The following MCPH1 variants were observed in gnomAD, a reference collection of about 807,000 sequenced individuals.
The protein encoded by MCPH1 is microcephalin.
MCPH1 carries 104 observed loss-of-function variants against 84.5 expected under a neutral mutation model. The observed-to-expected ratio is 1.23, with a 90% CI of 1.05 to 1.45. The LOEUF is 1.45. Ranked by LOEUF, MCPH1 falls within the 40% of genes most tolerant of loss-of-function variation. The probability of loss-of-function intolerance (pLI) is 0.00; values close to 1 mark genes in which losing one functional copy is unlikely to be tolerated. For missense variants in MCPH1, 1,498 were observed against 1,005.7 expected, an observed-to-expected ratio of 1.49 and a Z score of -6.62; for synonymous variants, 514 against 366.8, an observed-to-expected ratio of 1.40 and a Z score of -4.58.
At chr8:6,473,057 C>T (rs113349911) in intron 9 of MCPH1, among the ~76,000 whole-genome samples, 1,902 of 152,220 alleles carry the variant, frequency 0.012, 49 homozygotes, top group African/African-American at 0.043. Flanking sequence ...TCATAAAACA[C>T]AGAATCTTTG....
chr8:6,457,209 A>T (rs1251280299), intron 9 of MCPH1, among the ~76,000 whole-genome samples: 1 of 152,204 alleles, frequency 6.6e-6, no homozygotes, highest in Non-Finnish European at 1.5e-5. Context: ...GTATTAGTAA[A>T]CTTTGCCCTC....
At chr8:6,535,317 C>G (rs1449284808) in intron 12 of MCPH1, among the ~76,000 whole-genome samples, 5 of 152,124 alleles carry the variant, frequency 3.3e-5, no homozygotes, top group Non-Finnish European at 4.4e-5. Context: ...AACTTAAAGT[C>G]AAATTCCAAT....
chr8:6,546,551 C>T (rs1190274956), intron 12 of MCPH1, among the ~76,000 whole-genome samples: 1 of 151,946 alleles, frequency 6.6e-6, no homozygotes, highest in African/African-American at 2.4e-5. Context: ...TTTTTTAAAA[C>T]TCAATTTATA....
intron 8 of MCPH1, among the ~76,000 whole-genome samples, chr8:6,451,066 G>A (rs922895702): frequency 1.3e-5 from 2 of 152,198 alleles, no homozygotes; most frequent in African/African-American, 4.8e-5. Context: ...AATTACTATT[G>A]TTGCAAATAA....
chr8:6,449,320 G>A (rs1316279788), intron 8 of MCPH1, among the ~76,000 whole-genome samples: 1 of 152,158 alleles, frequency 6.6e-6, no homozygotes, highest in African/African-American at 2.4e-5. Flanking sequence ...CCTCAATTGT[G>A]CAGTTAAATG....
intron 3 of MCPH1, among the ~76,000 whole-genome samples, chr8:6,419,383 G>A (rs1352385908): frequency 8.6e-6 from 1 of 116,202 alleles, no homozygotes; most frequent in Non-Finnish European, 1.8e-5. Flanking sequence ...ACCATGCCCA[G>A]CCATTAAAAA....
intron 7 of MCPH1, among the ~76,000 whole-genome samples, chr8:6,444,025 G>A (rs11137028): frequency 0.14 from 21,756 of 152,198 alleles, 3,697 homozygotes; most frequent in African/African-American, 0.41. Flanking sequence ...ACTTTCCCTA[G>A]ATCTTACAAC....
At chr8:6,553,657 G>T (rs1224134933) in intron 12 of MCPH1, among the ~76,000 whole-genome samples, 1 of 148,718 alleles carries the variant, frequency 6.7e-6, no homozygotes, top group Non-Finnish European at 1.5e-5. Context: ...CCCTGAAATG[G>T]TCTCAAAATT....
chr8:6,556,339 A>T (rs1824602818), intron 12 of MCPH1, among the ~76,000 whole-genome samples: 1 of 152,022 alleles, frequency 6.6e-6, no homozygotes, highest in African/African-American at 2.4e-5. Flanking sequence ...CATTTTTTGC[A>T]GTATCTATAT....
intron 12 of MCPH1, among the ~76,000 whole-genome samples, chr8:6,601,199 C>T (rs1829333062): frequency 6.6e-6 from 1 of 152,180 alleles, no homozygotes; most frequent in Admixed American, 6.5e-5. Context: ...GAGGATTATT[C>T]CTGCAGCTTC....
chr8:6,647,632 G>C lies in MCPH1; in HGVS notation c.*4583G>C, dbSNP rs1158015252. 1 of 151,834 alleles carries C rather than the reference G, an allele frequency of 6.6e-6. No individual in the cohort carries two copies. The highest frequency in any genetic ancestry group is 1.5e-5 in the Non-Finnish European group (1 of 68,034). 9.4% of individuals were successfully genotyped at this position (151,834 alleles called of 1,614,324 possible). A position where few individuals can be genotyped will look rare whatever the true frequency, so the allele number is the denominator to read the frequency against. On this transcript the variant is annotated 3_prime_UTR_variant, in exon 14 of 14. Coordinates refer to ENST00000344683, the MANE Select transcript of MCPH1 (RefSeq NM_024596.5). Reference sequence around the variant, plus strand: ...CGTGCAACAACATGAATGAGCCTCAGAAACATAAGTGAAAGAGGTCAGACA... The same window carrying C: ...CGTGCAACAACATGAATGAGCCTCACAAACATAAGTGAAAGAGGTCAGACA...
intron 12 of MCPH1, among the ~76,000 whole-genome samples, chr8:6,591,013 C>T (rs1236025368): frequency 6.6e-6 from 1 of 152,248 alleles, no homozygotes; most frequent in Non-Finnish European, 1.5e-5. Flanking sequence ...GTAATTCTGC[C>T]TCAGCCTCCC....
intron 12 of MCPH1, among the ~76,000 whole-genome samples, chr8:6,574,501 T>G (rs1826911445): frequency 6.6e-6 from 1 of 152,228 alleles, no homozygotes; most frequent in Non-Finnish European, 1.5e-5. Flanking sequence ...ACTTACATCT[T>G]TCTATCAGGA....
intron 12 of MCPH1, among the ~76,000 whole-genome samples, chr8:6,611,178 T>C (rs779453369): frequency 3.3e-5 from 5 of 151,898 alleles, no homozygotes; most frequent in Non-Finnish European, 7.4e-5. Flanking sequence ...ACCAAATGTA[T>C]GGGTTTTTTT....
chr8:6,613,567 C>T (rs1031896737), intron 12 of MCPH1, among the ~76,000 whole-genome samples: 2 of 150,878 alleles, frequency 1.3e-5, no homozygotes, highest in South Asian at 2.1e-4. Flanking sequence ...GTGGCAGCTA[C>T]GGAGGAAGCT....
chr8:6,456,903 T>TGA (rs1175025689), intron 9 of MCPH1, among the ~76,000 whole-genome samples: 1 of 152,156 alleles, frequency 6.6e-6, no homozygotes, highest in Non-Finnish European at 1.5e-5. Context: ...TGTGGCCCCT[T>TGA]CTTCCTTATG....
chr8:6,417,077 G>T (rs1799414396), intron 3 of MCPH1, among the ~76,000 whole-genome samples: 1 of 151,988 alleles, frequency 6.6e-6, no homozygotes, highest in East Asian at 1.9e-4. Context: ...TCTCGATATG[G>T]TTTTTTAAAA....
At position 6,516,938 on chromosome 8, in the gene MCPH1, T is replaced by C. The variant is rs1032658605; in HGVS notation, c.2214+17009T>C. Reference sequence around the variant, plus strand: ...TAAATGATTTGAGCCATATGAGTATTCGCTTTGATTCCATTAGTGATGATG... The same window carrying C: ...TAAATGATTTGAGCCATATGAGTATCCGCTTTGATTCCATTAGTGATGATG... On this transcript the variant is annotated intron_variant, in intron 12 of 13. Coordinates refer to ENST00000344683, the MANE Select transcript of MCPH1 (RefSeq NM_024596.5). Among the ~76,000 whole-genome samples, 6 of 152,210 alleles carry C rather than the reference T, an allele frequency of 3.9e-5. No individual in the cohort carries two copies. In the East Asian group the frequency reaches 1.2e-3, roughly 29 times the overall value.
intron 13 of MCPH1, among the ~76,000 whole-genome samples, chr8:6,640,100 G>GCA (rs1797844814): frequency 7.5e-6 from 1 of 133,056 alleles, no homozygotes; most frequent in East Asian, 2.7e-4. Context: ...GTGTGTGTGC[G>GCA]CGCGCGTGTG....
Sources: gnomAD v4.1 joint callset for allele counts (sites outside exome capture counted in the v4.1 genomes callset) on GRCh38, gnomAD v4.1.1 for gene constraint, MANE v1.5 for transcripts, NCBI Gene and HGNC (gene_info 2026-07-23, HGNC 2026-07-21) for gene names.